The following NCAM2 variants were observed in gnomAD, a reference collection of about 807,000 sequenced individuals.
NCAM2 encodes N-CAM-2.
Under a neutral mutation model 98.1 loss-of-function variants are expected in NCAM2, and 30 were observed. The observed-to-expected ratio is 0.31, with a 90% CI of 0.23 to 0.41. NCAM2 has a LOEUF of 0.41. Among genes scored for constraint, NCAM2 ranks in the 10% least tolerant of loss-of-function variants. The probability of loss-of-function intolerance (pLI) is 1.00; values close to 1 mark genes in which losing one functional copy is unlikely to be tolerated. For missense variants in NCAM2, 867 were observed against 1,005.8 expected, an observed-to-expected ratio of 0.86 and a Z score of 1.87; for synonymous variants, 368 against 342.4, an observed-to-expected ratio of 1.07 and a Z score of -0.83.
chr21:21,433,475 C>T (rs1194574333), intron 12 of NCAM2, among the ~76,000 whole-genome samples: 3 of 151,726 alleles, frequency 2.0e-5, no homozygotes, highest in Non-Finnish European at 4.4e-5. Context: ...AGCGGTGGCT[C>T]ATGCTTGTAA....
intron 1 of NCAM2, among the ~76,000 whole-genome samples, chr21:21,226,317 T>A (rs2147159024): frequency 6.6e-6 from 1 of 151,882 alleles, no homozygotes; most frequent in African/African-American, 2.4e-5. Context: ...TTAAAATAAA[T>A]AAAAAATAAA....
chr21:21,412,208 T>C (rs1206369392), intron 10 of NCAM2, among the ~76,000 whole-genome samples: 2 of 152,210 alleles, frequency 1.3e-5, no homozygotes, highest in African/African-American at 4.8e-5. Context: ...GGCCGCCTTC[T>C]TGCTGTGTCC....
At chr21:21,139,446 T>A (rs918554374) in intron 1 of NCAM2, among the ~76,000 whole-genome samples, 3 of 152,222 alleles carry the variant, frequency 2.0e-5, no homozygotes, top group African/African-American at 4.8e-5. Flanking sequence ...GTTCTTGGCA[T>A]CTGTTTCTGA....
chr21:21,247,894 G>T (rs549612073), intron 1 of NCAM2, among the ~76,000 whole-genome samples: 1 of 151,640 alleles, frequency 6.6e-6, no homozygotes, highest in Non-Finnish European at 1.5e-5. Context: ...TCTATTCCTC[G>T]TCCTTTTCTC....
intron 1 of NCAM2, among the ~76,000 whole-genome samples, chr21:21,098,182 G>T (rs551387768): frequency 1.3e-5 from 2 of 151,232 alleles, no homozygotes; most frequent in African/African-American, 4.8e-5. Flanking sequence ...ATTATTGGAT[G>T]AATACATTTA....
intron 1 of NCAM2, among the ~76,000 whole-genome samples, chr21:21,227,220 AT>A (rs1304262291): frequency 1.3e-5 from 2 of 151,832 alleles, no homozygotes; most frequent in Non-Finnish European, 2.9e-5. Flanking sequence ...ATTATTGCAG[AT>A]TATATAATTG....
chr21:21,462,643 T>G (rs1313362584), intron 12 of NCAM2, among the ~76,000 whole-genome samples: 1 of 152,066 alleles, frequency 6.6e-6, no homozygotes, highest in Non-Finnish European at 1.5e-5. Flanking sequence ...CTGTCATTTT[T>G]AAGTTAAAGT....
chr21:21,428,748 G>GA (rs919420467), intron 11 of NCAM2, among the ~76,000 whole-genome samples: 1 of 152,158 alleles, frequency 6.6e-6, no homozygotes, highest in Admixed American at 6.5e-5. Context: ...ACAGATTACA[G>GA]AAAAATCCAG....
intron 3 of NCAM2, among the ~76,000 whole-genome samples, chr21:21,285,577 G>T (rs2147524337): frequency 6.6e-6 from 1 of 152,008 alleles, no homozygotes; most frequent in African/African-American, 2.4e-5. Context: ...TGCAAAAGAA[G>T]AATTGTGACA....
intron 1 of NCAM2, among the ~76,000 whole-genome samples, chr21:21,121,892 A>G (rs555310000): frequency 1.3e-5 from 2 of 152,344 alleles, no homozygotes; most frequent in Admixed American, 6.5e-5. Context: ...CATTTCTTCA[A>G]AAGTGATGAG....
chr21:21,456,157 A>G (rs1383528068), intron 12 of NCAM2, among the ~76,000 whole-genome samples: 1 of 152,160 alleles, frequency 6.6e-6, no homozygotes, highest in Admixed American at 6.6e-5. Flanking sequence ...TTCATTCATC[A>G]TTATTAGCAA....
chr21:21,263,443 G>A (rs1032829874), intron 1 of NCAM2, among the ~76,000 whole-genome samples: 2 of 151,908 alleles, frequency 1.3e-5, no homozygotes, highest in African/African-American at 4.8e-5. Context: ...ACTTTCCAAA[G>A]TAATCTACAA....
chr21:21,511,980 G>A (rs890404161), intron 16 of NCAM2, among the ~76,000 whole-genome samples: 22 of 151,694 alleles, frequency 1.5e-4, no homozygotes, highest in Non-Finnish European at 2.1e-4. Flanking sequence ...TGAGATGCTC[G>A]TATATACTGG....
chr21:21,053,371 T>C (rs2065149449), intron 1 of NCAM2, among the ~76,000 whole-genome samples: 1 of 151,944 alleles, frequency 6.6e-6, no homozygotes, highest in South Asian at 2.1e-4. Context: ...CTTACTTGTG[T>C]ATATTACAAA....
chr21:21,293,577 G>T (rs541317941), intron 5 of NCAM2, among the ~76,000 whole-genome samples: 38 of 151,942 alleles, frequency 2.5e-4, no homozygotes, highest in African/African-American at 8.7e-4. Context: ...TATTAAGGGT[G>T]CCATAATCAG....
At chr21:21,468,836 A>C (rs1453684441) in intron 14 of NCAM2, 53 bp downstream of exon 14, 2 of 1,501,144 alleles carry the variant, frequency 1.3e-6, no homozygotes, top group East Asian at 2.3e-5. Context: ...AATTAAATTG[A>C]GTTGCACTGA....
At chr21:21,153,239 T>A (rs955618530) in intron 1 of NCAM2, among the ~76,000 whole-genome samples, 2 of 151,728 alleles carry the variant, frequency 1.3e-5, no homozygotes, top group African/African-American at 4.8e-5. Flanking sequence ...CCTTTACATC[T>A]GGAAGACAAT....
At chr21:21,172,039 C>A (rs1380587865) in intron 1 of NCAM2, among the ~76,000 whole-genome samples, 1 of 152,088 alleles carries the variant, frequency 6.6e-6, no homozygotes, top group Non-Finnish European at 1.5e-5. Flanking sequence ...ATCAGCATAA[C>A]ACACATGGGC....
intron 1 of NCAM2, among the ~76,000 whole-genome samples, chr21:21,091,261 T>G (rs2066006815): frequency 6.6e-6 from 1 of 152,218 alleles, no homozygotes; most frequent in African/African-American, 2.4e-5. Context: ...TATATAGTTC[T>G]GCTGTAGCTT....
Sources: gnomAD v4.1 joint callset for allele counts (sites outside exome capture counted in the v4.1 genomes callset) on GRCh38, gnomAD v4.1.1 for gene constraint, MANE v1.5 for transcripts, NCBI Gene and HGNC (gene_info 2026-07-23, HGNC 2026-07-21) for gene names.